SLC26A7: variants seen among roughly 807,000 people sequenced by gnomAD.
SLC26A7 encodes the protein solute carrier family 26 member 7, also known as anion exchange transporter.
In SLC26A7, 59 loss-of-function variants were observed where a neutral mutation model predicts 82.5. That is an observed-to-expected ratio of 0.72 (90% CI 0.58 to 0.89). The LOEUF (loss-of-function observed/expected upper bound fraction) is 0.89. SLC26A7 is among the 40% of genes least tolerant of loss of function. The pLI, the probability that SLC26A7 is intolerant of heterozygous loss-of-function variation, is 0.00. For synonymous variants in SLC26A7, 271 were observed against 274.3 expected, an observed-to-expected ratio of 0.99 and a Z score of 0.12; for missense variants, 820 against 793.0, an observed-to-expected ratio of 1.03 and a Z score of -0.41.
At chr8:91,237,572 G>A (rs2130681368) in intron 2 of SLC26A7, among the ~76,000 whole-genome samples, 1 of 152,132 alleles carries the variant, frequency 6.6e-6, no homozygotes, top group South Asian at 2.1e-4. Context: ...TTCCAGACTT[G>A]CTCCATCTGG....
chr8:91,348,992 G>A (rs144305600), intron 9 of SLC26A7, among the ~76,000 whole-genome samples: 110 of 152,234 alleles, frequency 7.2e-4, no homozygotes, highest in African/African-American at 2.5e-3. Flanking sequence ...GGGAATGATG[G>A]CTTTCACTGC....
upstream of SLC26A7, among the ~76,000 whole-genome samples, chr8:91,247,070 G>T (rs1810553944): frequency 6.6e-6 from 1 of 152,144 alleles, no homozygotes; most frequent in African/African-American, 2.4e-5. Context: ...GTAGAAGGTG[G>T]GAAGGGGAGC....
chr8:91,265,085 C>T (rs1191447213), intron 2 of SLC26A7, among the ~76,000 whole-genome samples: 1 of 152,048 alleles, frequency 6.6e-6, no homozygotes, highest in Non-Finnish European at 1.5e-5. Flanking sequence ...ATTTTACTCT[C>T]TACTTCTATG....
chr8:91,280,751 C>G (rs1435995545), intron 2 of SLC26A7, among the ~76,000 whole-genome samples: 1 of 152,180 alleles, frequency 6.6e-6, no homozygotes, highest in Non-Finnish European at 1.5e-5. Flanking sequence ...AGTCTTTTCA[C>G]ATGACTAATT....
At chr8:91,254,176 A>G (rs1232681113) in intron 2 of SLC26A7, among the ~76,000 whole-genome samples, 3 of 152,080 alleles carry the variant, frequency 2.0e-5, no homozygotes, top group African/African-American at 7.2e-5. Context: ...AATAGTTTAT[A>G]TAAAAGTCCA....
intron 2 of SLC26A7, among the ~76,000 whole-genome samples, chr8:91,234,825 C>CTTCCTTCCTTCCT (rs1267737133): frequency 1.6e-4 from 14 of 86,536 alleles, no homozygotes; most frequent in African/African-American, 6.0e-4. Context: ...ACCTACCTAC[C>CTTCCTTCCTTCCT]TACTTCCTTC....
chr8:91,323,365 T>C (rs1812844159), intron 5 of SLC26A7, among the ~76,000 whole-genome samples: 1 of 152,182 alleles, frequency 6.6e-6, no homozygotes, highest in Non-Finnish European at 1.5e-5. Context: ...AGAGAGCAAA[T>C]ATTTTTGCAA....
chr8:91,258,279 C>A (rs546983218), intron 2 of SLC26A7, among the ~76,000 whole-genome samples: 1 of 152,056 alleles, frequency 6.6e-6, no homozygotes, highest in Admixed American at 6.6e-5. Flanking sequence ...AGAGATAAAT[C>A]GCCAGCTGCC....
At chr8:91,258,400 C>T (rs182117196) in intron 2 of SLC26A7, among the ~76,000 whole-genome samples, 1 of 148,328 alleles carries the variant, frequency 6.7e-6, no homozygotes, top group Non-Finnish European at 1.5e-5. Flanking sequence ...TGCAAGTCAC[C>T]CCCCCATCTA....
intron 8 of SLC26A7, among the ~76,000 whole-genome samples, chr8:91,341,904 G>T (rs1412741649): frequency 6.6e-6 from 1 of 151,992 alleles, no homozygotes; most frequent in East Asian, 1.9e-4. Context: ...TACCTGCTTA[G>T]CTCCTCCATT....
chr8:91,306,755 G>C (rs1405648205), intron 4 of SLC26A7, among the ~76,000 whole-genome samples: 1 of 151,360 alleles, frequency 6.6e-6, no homozygotes, highest in East Asian at 2.0e-4. Context: ...TGTTGCTCAG[G>C]CTGGAGTACA....
Position 91,338,238 on chromosome 8 carries a change from G to A in SLC26A7, c.878+6G>A. ...GTTGGTCATATTCCACAAGGGTAAT[G>A]TAGTCCTTTTTAAAAACATATTATT... On this transcript the variant is annotated splice_donor_region_variant and intron_variant, in intron 7 of 18. Coordinates refer to ENST00000276609, the MANE Select transcript of SLC26A7 (RefSeq NM_052832.4). The A allele has an allele frequency of 6.3e-7, 1 of 1,586,336 alleles. No individual in the cohort carries two copies. The highest frequency in any genetic ancestry group is 8.6e-7 in the Non-Finnish European group (1 of 1,166,756).
At chr8:91,361,920 C>T (rs1317182407) in intron 11 of SLC26A7, among the ~76,000 whole-genome samples, 1 of 151,988 alleles carries the variant, frequency 6.6e-6, no homozygotes, top group Non-Finnish European at 1.5e-5. Flanking sequence ...TAATAAACAA[C>T]CTTAGTTATT....
intron 4 of SLC26A7, among the ~76,000 whole-genome samples, chr8:91,306,248 CT>C (rs1335707640): frequency 5.9e-5 from 9 of 152,112 alleles, no homozygotes; most frequent in Admixed American, 2.6e-4. Flanking sequence ...GCAATACTCC[CT>C]TTTCCCTCTG....
intron 16 of SLC26A7, among the ~76,000 whole-genome samples, chr8:91,392,833 A>G (rs1808439911): frequency 6.6e-6 from 1 of 152,208 alleles, no homozygotes; most frequent in Admixed American, 6.5e-5. Context: ...CACTGAGTTT[A>G]AGAAAGAGTG....
chr8:91,310,751 C>A (rs1812458944), intron 4 of SLC26A7, among the ~76,000 whole-genome samples: 1 of 152,106 alleles, frequency 6.6e-6, no homozygotes, highest in African/African-American at 2.4e-5. Flanking sequence ...CTCCCAAGTG[C>A]TAGCAGGCCA....
chr8:91,213,551 G>A (rs1809976453), intron 1 of SLC26A7, among the ~76,000 whole-genome samples: 1 of 152,174 alleles, frequency 6.6e-6, no homozygotes. Context: ...CGAATAAGTA[G>A]GAGACCTAGT....
At chr8:91,211,951 G>A (rs1399427105) in intron 1 of SLC26A7, among the ~76,000 whole-genome samples, 1 of 152,040 alleles carries the variant, frequency 6.6e-6, no homozygotes, top group Non-Finnish European at 1.5e-5. Flanking sequence ...TTGCTTTAAT[G>A]AAATAATGAG....
At chr8:91,246,550 T>C (rs1265928542), upstream of SLC26A7, among the ~76,000 whole-genome samples, 1 of 151,908 alleles carries the variant, frequency 6.6e-6, no homozygotes, top group African/African-American at 2.4e-5. Flanking sequence ...ACTAGGGCCA[T>C]TAATATAGAA....
Sources: allele counts gnomAD v4.1 joint callset (sites outside exome capture counted in the v4.1 genomes callset), GRCh38; gene constraint gnomAD v4.1.1; transcripts MANE v1.5; gene names NCBI Gene and HGNC (gene_info 2026-07-23, HGNC 2026-07-21).